RFX8: variants seen among roughly 807,000 people sequenced by gnomAD.
The protein encoded by RFX8 is DNA-binding protein RFX8.
Under a neutral mutation model 54.6 loss-of-function variants are expected in RFX8, and 46 were observed. The ratio of observed to expected loss-of-function variants is 0.84; its 90% CI spans 0.67 to 1.08. RFX8 has a LOEUF of 1.08. Ranked by LOEUF, RFX8 falls within the 50% of genes least tolerant of loss-of-function variation. The pLI is 0.00. For synonymous variants in RFX8, 192 were observed against 209.5 expected (o/e 0.92, Z 0.72); for missense variants, 536 against 562.3 (o/e 0.95, Z 0.47).
intron 11 of RFX8, among the ~76,000 whole-genome samples, chr2:101,400,570 T>C (rs900043933): frequency 3.9e-5 from 6 of 152,122 alleles, no homozygotes; most frequent in African/African-American, 1.4e-4. Context: ...CCAATCTCCC[T>C]CCCCGGTTGC....
At chr2:101,409,754 C>A (rs1427817620) in intron 9 of RFX8, among the ~76,000 whole-genome samples, 1 of 152,154 alleles carries the variant, frequency 6.6e-6, no homozygotes, top group Non-Finnish European at 1.5e-5. Context: ...CCTGCCTGGG[C>A]CTCCCAAAGT....
At chr2:101,403,664 G>T (rs886604285) in intron 10 of RFX8, among the ~76,000 whole-genome samples, 2 of 152,144 alleles carry the variant, frequency 1.3e-5, no homozygotes, top group South Asian at 2.1e-4. Flanking sequence ...GCACGTGCCT[G>T]TAGTCCCAGC....
chr2:101,413,610 G>C (rs541648695), intron 7 of RFX8, among the ~76,000 whole-genome samples: 146 of 152,308 alleles, frequency 9.6e-4, no homozygotes, highest in Middle Eastern at 3.4e-3. Context: ...GAGAAGGCAC[G>C]AGTTACCCCT....
intron 6 of RFX8, 76 bp downstream of exon 6, chr2:101,417,458 G>A (rs897095287): frequency 2.4e-5 from 32 of 1,351,876 alleles, no homozygotes; most frequent in East Asian, 5.1e-5. Flanking sequence ...CTCCTGCCTC[G>A]GCCTTCCAAA....
intron 2 of RFX8, among the ~76,000 whole-genome samples, chr2:101,427,741 G>A (rs1248566976): frequency 6.6e-6 from 1 of 152,050 alleles, no homozygotes; most frequent in Non-Finnish European, 1.5e-5. Flanking sequence ...ACCACCCATG[G>A]CCTGCACTGC....
chr2:101,469,136 A>AC (rs1176824096), intron 1 of RFX8, among the ~76,000 whole-genome samples: 1 of 130,644 alleles, frequency 7.7e-6, no homozygotes. Flanking sequence ...ATATATATAT[A>AC]AGTATATATA....
At chr2:101,413,764 T>C (rs1686311593) in intron 7 of RFX8, among the ~76,000 whole-genome samples, 1 of 152,146 alleles carries the variant, frequency 6.6e-6, no homozygotes, top group Non-Finnish European at 1.5e-5. Flanking sequence ...AAGAGCACAC[T>C]GCCAGGTCAT....
intron 9 of RFX8, among the ~76,000 whole-genome samples, chr2:101,410,132 C>T (rs976291310): frequency 2.0e-5 from 3 of 152,184 alleles, no homozygotes; most frequent in Non-Finnish European, 2.9e-5. Context: ...CTGCAATACA[C>T]ACCTGCAGAC....
chr2:101,420,501 C>G (rs113972699), intron 4 of RFX8, among the ~76,000 whole-genome samples: 3 of 152,074 alleles, frequency 2.0e-5, no homozygotes, highest in African/African-American at 7.2e-5. Context: ...CGAGATCGCA[C>G]CACTGAACTC....
rs986933597 is a variant in RFX8, at chr2:101,407,706, A to C, written c.814-1649T>G. Among the ~76,000 whole-genome samples the C allele has an allele frequency of 1.5e-4, 23 of 151,876 alleles. No homozygotes were observed. The East Asian group carries it at 3.1e-3, about 20-fold the overall frequency. ...GACTCCATCTCAATTAAAAAAAAAAACAAAACACAGGGATACTTCCTAAAA... is the reference window on the plus strand; with the variant it reads ...GACTCCATCTCAATTAAAAAAAAAACCAAAACACAGGGATACTTCCTAAAA... On this transcript the variant is annotated intron_variant, in intron 9 of 11. Transcript: ENST00000428343.
At chr2:101,424,131 G>T (rs1363336296) in intron 2 of RFX8, among the ~76,000 whole-genome samples, 1 of 152,118 alleles carries the variant, frequency 6.6e-6, no homozygotes, top group Admixed American at 6.6e-5. Context: ...AACACAGAGG[G>T]GACAGCTCAA....
intron 1 of RFX8, among the ~76,000 whole-genome samples, chr2:101,469,092 A>G (rs145127536): frequency 6.2e-5 from 1 of 16,244 alleles, no homozygotes; most frequent in African/African-American, 3.4e-4. Context: ...GTATATATAT[A>G]AGTATATATA....
In RFX8 at chr2:101,466,795, G is replaced by A; in HGVS notation, c.54C>T (p.Asn18=). Residue 18 remains asparagine (N), a synonymous_variant, in exon 2 of 12, where the codon AAC becomes AAT. Transcript: ENST00000428343. The part of the protein sequence containing the change: ...TCGQNTENQV[N]PATFGKCEDH... Reference sequence around the variant, plus strand: ...AACTTACCTTCCCAAAGGTGGCCGGGTTGACTTGGTTCTCAGTGTTTTGCC... The same window carrying A: ...AACTTACCTTCCCAAAGGTGGCCGGATTGACTTGGTTCTCAGTGTTTTGCC... The A allele has an allele frequency of 6.4e-7, 1 of 1,551,450 alleles. No homozygotes were observed. The highest frequency in any genetic ancestry group is 8.7e-7 in the Non-Finnish European group (1 of 1,146,738).
At chr2:101,413,849 C>T (rs1224049888) in intron 7 of RFX8, among the ~76,000 whole-genome samples, 1 of 152,116 alleles carries the variant, frequency 6.6e-6, no homozygotes, top group Non-Finnish European at 1.5e-5. Context: ...GGGACACAAC[C>T]CCGCTGAGCT....
intron 2 of RFX8, among the ~76,000 whole-genome samples, chr2:101,428,065 G>A (rs539834752): frequency 1.4e-3 from 209 of 151,754 alleles, no homozygotes; most frequent in African/African-American, 4.5e-3. Context: ...AGGCCAAGGG[G>A]GGCAGATCTC....
At chr2:101,465,627 G>T (rs1689532491) in intron 2 of RFX8, among the ~76,000 whole-genome samples, 2 of 152,024 alleles carry the variant, frequency 1.3e-5, no homozygotes, top group South Asian at 4.1e-4. Context: ...GATGATAACA[G>T]TATGATAACA....
chr2:101,429,533 T>C (rs944873534), intron 2 of RFX8, among the ~76,000 whole-genome samples: 1 of 152,192 alleles, frequency 6.6e-6, no homozygotes, highest in African/African-American at 2.4e-5. Context: ...CTGGGTCCTA[T>C]CTATGCAGTA....
At chr2:101,415,601 C>T (rs1458282546) in intron 6 of RFX8, among the ~76,000 whole-genome samples, 1 of 131,478 alleles carries the variant, frequency 7.6e-6, no homozygotes, top group Admixed American at 7.9e-5. Context: ...CGCATAGAAA[C>T]AGGTGTTCTC....
At chr2:101,405,760 C>T (rs373592022) in intron 10 of RFX8, among the ~76,000 whole-genome samples, 183 bp downstream of exon 10, 5 of 152,098 alleles carry the variant, frequency 3.3e-5, no homozygotes, top group East Asian at 3.9e-4. Context: ...GACAGACTAT[C>T]ACACTGACAC....
Sources: gnomAD v4.1 joint callset for allele counts (sites outside exome capture counted in the v4.1 genomes callset) on GRCh38, gnomAD v4.1.1 for gene constraint, MANE v1.5 for transcripts, NCBI Gene and HGNC (gene_info 2026-07-23, HGNC 2026-07-21) for gene names.